Variants in CEP162 observed in about 807,000 individuals in gnomAD.
The protein encoded by CEP162 is centrosomal protein of 162 kDa.
Under a neutral mutation model 169.2 loss-of-function variants are expected in CEP162, and 141 were observed. The ratio of observed to expected loss-of-function variants is 0.83; its 90% CI spans 0.73 to 0.96. The LOEUF is 0.96. CEP162 is among the 40% of genes least tolerant of loss of function. The pLI is 0.00. For synonymous variants in CEP162, 540 were observed against 526.4 expected (o/e 1.03, Z -0.35); for missense variants, 1,600 against 1,587.2 (o/e 1.01, Z -0.14).
In CEP162 at chr6:84,172,709, C is replaced by G. The variant is rs188287777; in HGVS notation, c.2167-991G>C. Among the ~76,000 whole-genome samples, 6 of 152,214 alleles carry G rather than the reference C, an allele frequency of 3.9e-5. No individual in the cohort carries two copies. The East Asian group carries it at 1.2e-3, about 29-fold the overall frequency. ...AGGCAGTGTGTCCTGCAAAATCATT[C>G]CAATTCAGTTACAGCAAACATTGTA... is the stretch of plus-strand genomic sequence containing the variant. On this transcript the variant is annotated intron_variant, in intron 16 of 26. Transcript: ENST00000403245.
intron 21 of CEP162, among the ~76,000 whole-genome samples, chr6:84,158,760 T>G (rs2099524231): frequency 6.6e-6 from 1 of 152,130 alleles, no homozygotes; most frequent in South Asian, 2.1e-4. Context: ...CATTTTAAAT[T>G]AATGTATTCA....
chr6:84,161,296 C>T (rs1588761154), intron 20 of CEP162, among the ~76,000 whole-genome samples: 1 of 152,026 alleles, frequency 6.6e-6, no homozygotes, highest in South Asian at 2.1e-4. Context: ...GGATTGGCAG[C>T]TACATTAGGA....
At chr6:84,195,946 T>C (rs992984085) in intron 9 of CEP162, among the ~76,000 whole-genome samples, 1 of 152,214 alleles carries the variant, frequency 6.6e-6, no homozygotes, top group Non-Finnish European at 1.5e-5. Flanking sequence ...CTATATCACA[T>C]CTACATATTC....
At chr6:84,191,544 T>C (rs745396900) in intron 11 of CEP162, among the ~76,000 whole-genome samples, 1 of 152,188 alleles carries the variant, frequency 6.6e-6, no homozygotes, top group Non-Finnish European at 1.5e-5. Context: ...CATTATATAT[T>C]GGGATGGGGG....
intron 25 of CEP162, among the ~76,000 whole-genome samples, chr6:84,142,105 G>GT (rs1284897401): frequency 5.3e-5 from 8 of 151,914 alleles, no homozygotes; most frequent in African/African-American, 1.5e-4. Context: ...GTTTGTTTTT[G>GT]TTTTTTTAAA....
intron 25 of CEP162, among the ~76,000 whole-genome samples, chr6:84,131,652 AT>A (rs1394273141): frequency 6.7e-6 from 1 of 148,168 alleles, no homozygotes; most frequent in Admixed American, 6.6e-5. Flanking sequence ...AGAGACTAGG[AT>A]TGCAACCGCT....
intron 13 of CEP162, among the ~76,000 whole-genome samples, chr6:84,178,970 TC>T (rs1393767370): frequency 6.6e-6 from 1 of 152,158 alleles, no homozygotes; most frequent in Non-Finnish European, 1.5e-5. Context: ...TGCATCCATG[TC>T]CCTACAAAGG....
At chr6:84,131,675 GT>G (rs1424393595) in intron 25 of CEP162, among the ~76,000 whole-genome samples, 2 of 135,286 alleles carry the variant, frequency 1.5e-5, no homozygotes, top group African/African-American at 2.7e-5. Flanking sequence ...CTTTTTTTTT[GT>G]TTTGTTTTCC....
Position 84,195,039 on chromosome 6 carries a change from G to T in CEP162, c.872C>A (p.Ala291Asp). The T allele has an allele frequency of 6.2e-7, 1 of 1,604,520 alleles. No homozygotes were observed. The highest frequency in any genetic ancestry group is 8.5e-7 in the Non-Finnish European group (1 of 1,175,998). ...SYGQSSSDVE[A>D]LHQAYCHIAH... is the part of the protein sequence containing the mutation. ...TATATGACAATAAGCTTGATGTAGG[G>T]CTTCAACGTCACTACTGCTTTGTCC... The change falls in exon 10 of 27, where the codon GCC becomes GAC. Residue 291 changes from alanine (A) to aspartate (D), a missense_variant. Ala to Asp is a moderately radical substitution (Grantham distance 126). Transcript: ENST00000403245.
At chr6:84,207,633 G>A in intron 6 of CEP162, among the ~76,000 whole-genome samples, 1 of 151,920 alleles carries the variant, frequency 6.6e-6, no homozygotes, top group East Asian at 1.9e-4. Flanking sequence ...GAGTTAACGG[G>A]TGCAGCACAC....
chr6:84,154,751 C>A (rs1419330612), intron 22 of CEP162, among the ~76,000 whole-genome samples: 3 of 152,104 alleles, frequency 2.0e-5, no homozygotes, highest in African/African-American at 7.2e-5. Context: ...TATTTGTCTA[C>A]AAAATTTTTT....
intron 2 of CEP162, among the ~76,000 whole-genome samples, chr6:84,225,979 A>T (rs988917784): frequency 1.3e-5 from 2 of 152,160 alleles, no homozygotes; most frequent in Non-Finnish European, 2.9e-5. Flanking sequence ...AGGGATATGA[A>T]GGCAGTGAGA....
chr6:84,173,886 T>C (rs1433495249), intron 16 of CEP162, among the ~76,000 whole-genome samples, 162 bp downstream of exon 16: 1 of 152,070 alleles, frequency 6.6e-6, no homozygotes. Context: ...TGTTTCACCA[T>C]GTTGGCCAGG....
At chr6:84,159,983 G>A (rs1588757921) in intron 21 of CEP162, among the ~76,000 whole-genome samples, 2 of 152,120 alleles carry the variant, frequency 1.3e-5, no homozygotes, top group Non-Finnish European at 2.9e-5. Flanking sequence ...TCTTGTAAAA[G>A]TAATAAAGTT....
chr6:84,153,026 C>G lies in CEP162; in HGVS notation c.3148G>C (p.Asp1050His). ...TCAGCATTCTGATGTTTAAGAACGTCTATTTCGGCTTCAAGGTTTCTTACA... is the reference window on the plus strand; with the variant it reads ...TCAGCATTCTGATGTTTAAGAACGTGTATTTCGGCTTCAAGGTTTCTTACA... ...ITVRNLEAEIDVLKHQNAELD... is the reference protein window; with the variant it reads ...ITVRNLEAEIHVLKHQNAELD... The change falls in exon 23 of 27, where the codon GAC becomes CAC. Residue 1050 changes from aspartate to histidine, a missense_variant. By Grantham distance (81) the Asp-to-His change is moderately conservative. Transcript: ENST00000403245. 1 of 1,613,558 alleles carries G rather than the reference C, an allele frequency of 6.2e-7. No homozygotes were observed. The highest frequency in any genetic ancestry group is 8.5e-7 in the Non-Finnish European group (1 of 1,179,734).
At chr6:84,210,635 A>G (rs891509784) in intron 6 of CEP162, among the ~76,000 whole-genome samples, 1 of 152,186 alleles carries the variant, frequency 6.6e-6, no homozygotes, top group Non-Finnish European at 1.5e-5. Context: ...TGCCTAAGTG[A>G]AAACAAAGCC....
intron 21 of CEP162, among the ~76,000 whole-genome samples, chr6:84,158,327 A>C (rs934249333): frequency 6.6e-6 from 1 of 152,208 alleles, no homozygotes; most frequent in African/African-American, 2.4e-5. Flanking sequence ...GAATGGTAAC[A>C]GTAGCAATTT....
At chr6:84,205,048 C>A (rs1340607300) in intron 6 of CEP162, among the ~76,000 whole-genome samples, 1 of 152,114 alleles carries the variant, frequency 6.6e-6, no homozygotes, top group Non-Finnish European at 1.5e-5. Context: ...CCTGAATAGA[C>A]CAATAACAGG....
At chr6:84,195,229 A>G (rs1200800054) in intron 9 of CEP162, among the ~76,000 whole-genome samples, 154 bp from the exon 10 acceptor site, 1 of 152,234 alleles carries the variant, frequency 6.6e-6, no homozygotes. Flanking sequence ...GCATGGATTC[A>G]TAGCAGGCTC....
Sources: allele counts gnomAD v4.1 joint callset (sites outside exome capture counted in the v4.1 genomes callset), GRCh38; gene constraint gnomAD v4.1.1; transcripts MANE v1.5; gene names NCBI Gene and HGNC (gene_info 2026-07-23, HGNC 2026-07-21).